The following HPSE2 variants were observed in gnomAD, a reference collection of about 807,000 sequenced individuals.
The protein encoded by HPSE2 is inactive heparanase-2.
Under a neutral mutation model 60.5 loss-of-function variants are expected in HPSE2, and 38 were observed. The ratio of observed to expected loss-of-function variants is 0.63; its 90% CI spans 0.48 to 0.82. HPSE2 has a LOEUF of 0.82. Among genes scored for constraint, HPSE2 ranks in the 40% least tolerant of loss-of-function variants. HPSE2 has a pLI of 0.00. For missense variants in HPSE2, 713 were observed against 740.4 expected (o/e 0.96, Z 0.43); for synonymous variants, 295 against 293.2 (o/e 1.01, Z -0.06).
chr10:98,530,858 G>A (rs939015247), intron 9 of HPSE2, among the ~76,000 whole-genome samples: 1 of 152,158 alleles, frequency 6.6e-6, no homozygotes, highest in Non-Finnish European at 1.5e-5. Flanking sequence ...TCCAGGAGGA[G>A]CGAGTAGAGG....
At chr10:98,954,216 G>A (rs1257050132) in intron 3 of HPSE2, among the ~76,000 whole-genome samples, 3 of 152,100 alleles carry the variant, frequency 2.0e-5, no homozygotes, top group African/African-American at 4.8e-5. Flanking sequence ...GCTGAGGCAG[G>A]AGATCACTTG....
intron 2 of HPSE2, among the ~76,000 whole-genome samples, chr10:99,228,379 A>G (rs1849540859): frequency 6.6e-6 from 1 of 152,228 alleles, no homozygotes; most frequent in Non-Finnish European, 1.5e-5. Context: ...CATTTTAGAA[A>G]TATTAAGCTG....
At chr10:99,305,981 A>G in the HPSE2 span, among the ~76,000 whole-genome samples, 247 of 133,212 alleles carry the variant, frequency 1.9e-3, no homozygotes, top group Middle Eastern at 0.016. Context: ...GCGCGCGCGC[A>G]CACACACACA....
the HPSE2 span, among the ~76,000 whole-genome samples, chr10:99,248,270 A>C: frequency 5.3e-5 from 8 of 152,338 alleles, no homozygotes; most frequent in African/African-American, 1.4e-4. Context: ...TGGACAATGA[A>C]GTCCAGGCTG....
intron 9 of HPSE2, among the ~76,000 whole-genome samples, chr10:98,563,523 T>G (rs1407355660): frequency 6.6e-6 from 1 of 152,198 alleles, no homozygotes; most frequent in Non-Finnish European, 1.5e-5. Context: ...TAAACACCAT[T>G]GCATTGTATC....
At chr10:98,695,617 C>T (rs534519752) in intron 5 of HPSE2, among the ~76,000 whole-genome samples, 1 of 152,270 alleles carries the variant, frequency 6.6e-6, no homozygotes, top group Admixed American at 6.5e-5. Context: ...AAGTACATCT[C>T]CTAACACTCC....
At chr10:98,671,253 G>A (rs886762213) in intron 6 of HPSE2, among the ~76,000 whole-genome samples, 6 of 152,164 alleles carry the variant, frequency 3.9e-5, no homozygotes, top group African/African-American at 1.4e-4. Context: ...CTTGGTCATT[G>A]ATTTGGGGAC....
chr10:99,285,306 G>A, the HPSE2 span, among the ~76,000 whole-genome samples: 2 of 151,308 alleles, frequency 1.3e-5, no homozygotes, highest in African/African-American at 4.9e-5. Context: ...AGTGGTACAT[G>A]CCTGTAGTCC....
At chr10:98,464,196 T>C (rs1940428437) in intron 11 of HPSE2, among the ~76,000 whole-genome samples, 1 of 152,260 alleles carries the variant, frequency 6.6e-6, no homozygotes, top group South Asian at 2.1e-4. Context: ...CATAAGTTCA[T>C]TTAAAACTGT....
At chr10:98,717,516 C>G (rs11189768) in intron 5 of HPSE2, among the ~76,000 whole-genome samples, 28,059 of 151,924 alleles carry the variant, frequency 0.18, 3,020 homozygotes, top group East Asian at 0.38. Flanking sequence ...CTTGAGCACT[C>G]AGAGGCCATT....
chr10:98,467,341 A>C (rs2133594932), intron 11 of HPSE2, among the ~76,000 whole-genome samples: 1 of 152,342 alleles, frequency 6.6e-6, no homozygotes, highest in African/African-American at 2.4e-5. Flanking sequence ...ACACGTGGGC[A>C]AAAGAACTAC....
intron 3 of HPSE2, among the ~76,000 whole-genome samples, chr10:98,837,461 G>T (rs1367479540): frequency 6.6e-6 from 1 of 152,120 alleles, no homozygotes; most frequent in Non-Finnish European, 1.5e-5. Flanking sequence ...TCACCCCTTG[G>T]AACTATTACT....
chr10:98,474,641 A>T (rs1047210495), intron 11 of HPSE2, among the ~76,000 whole-genome samples: 2 of 152,192 alleles, frequency 1.3e-5, no homozygotes, highest in Non-Finnish European at 2.9e-5. Flanking sequence ...CAGTATGTGG[A>T]AAAAGGAAAA....
chr10:98,595,630 G>T (rs1159375238), intron 9 of HPSE2, among the ~76,000 whole-genome samples: 1 of 151,936 alleles, frequency 6.6e-6, no homozygotes. Flanking sequence ...CCTTATATAA[G>T]ATCATGTCAT....
At chr10:99,130,142 T>C (rs566363099) in intron 3 of HPSE2, among the ~76,000 whole-genome samples, 1 of 151,884 alleles carries the variant, frequency 6.6e-6, no homozygotes, top group South Asian at 2.1e-4. Flanking sequence ...AATTTAAAAA[T>C]TGCCAACAAA....
At chr10:99,206,626 T>C (rs929302180) in intron 2 of HPSE2, among the ~76,000 whole-genome samples, 2 of 150,868 alleles carry the variant, frequency 1.3e-5, no homozygotes, top group African/African-American at 2.4e-5. Context: ...CTAACCCCCA[T>C]GTTGTTCCAG....
intron 3 of HPSE2, among the ~76,000 whole-genome samples, chr10:99,076,983 G>A (rs571724591): frequency 2.0e-5 from 3 of 152,238 alleles, no homozygotes; most frequent in South Asian, 4.1e-4. Context: ...CCAGGTATAC[G>A]ATTCTTGGTT....
chr10:99,165,081 C>CAAAAAAAA (rs56263581), intron 2 of HPSE2, among the ~76,000 whole-genome samples: 1 of 65,762 alleles, frequency 1.5e-5, no homozygotes, highest in Non-Finnish European at 2.7e-5. Flanking sequence ...GACTCGGTCT[C>CAAAAAAAA]AAAAAAAAAA....
chr10:99,030,484 G>A (rs1957475505), intron 3 of HPSE2, among the ~76,000 whole-genome samples: 2 of 152,148 alleles, frequency 1.3e-5, no homozygotes, highest in South Asian at 4.1e-4. Flanking sequence ...TAGCCATAAG[G>A]CAATAACACA....
Sources: allele counts gnomAD v4.1 joint callset (sites outside exome capture counted in the v4.1 genomes callset), GRCh38; gene constraint gnomAD v4.1.1; transcripts MANE v1.5; gene names NCBI Gene and HGNC (gene_info 2026-07-23, HGNC 2026-07-21).